MS4A15: variants seen among roughly 807,000 people sequenced by gnomAD.
MS4A15 encodes the protein membrane spanning 4-domains A15.
MS4A15 carries 22 observed loss-of-function variants against 20.6 expected under a neutral mutation model. The observed-to-expected ratio is 1.07, with a 90% CI of 0.76 to 1.52. The LOEUF (loss-of-function observed/expected upper bound fraction) is 1.52. Among genes scored for constraint, MS4A15 ranks in the 40% most tolerant of loss-of-function variants. MS4A15 has a pLI of 0.00. For synonymous variants in MS4A15, 129 were observed against 129.3 expected, an observed-to-expected ratio of 1.00 and a Z score of 0.02; for missense variants, 312 against 323.0, an observed-to-expected ratio of 0.97 and a Z score of 0.26.
chr11:60,759,524 C>T (rs1350288319), intron 1 of MS4A15, among the ~76,000 whole-genome samples: 3 of 152,152 alleles, frequency 2.0e-5, no homozygotes, highest in African/African-American at 7.2e-5. Flanking sequence ...TAGCCCGACA[C>T]CCGTAAAGGG....
rs1044095366 is a variant in MS4A15 at position 60,770,470 on chromosome 11, C to T, written c.349-821C>T. Among the ~76,000 whole-genome samples the T allele has an allele frequency of 1.5e-3, 220 of 151,624 alleles. 2 individuals are homozygous for T. Among genetic ancestry groups the T allele is most frequent in the African/African-American group, 4.6e-3 (191 of 41,372 alleles). On this transcript the variant is annotated intron_variant, in intron 3 of 6. Coordinates refer to ENST00000405633, the MANE Select transcript of MS4A15 (RefSeq NM_001098835.2). ...AAAATTAGCTGGGTGTGGTGGCGGG[C>T]GTCTGTAGTCCCAGCTACTTGGGAG...
At chr11:60,771,587 ATGGTCATTCC>A (rs1854046972) in intron 4 of MS4A15, 1 of 1,516,784 alleles carries the variant, frequency 6.6e-7, no homozygotes, top group African/African-American at 1.4e-5. Context: ...GTCCATGCTC[ATGGTCATTCC>A]GAGAAAGGAA....
At chr11:60,769,092 T>C (rs551479879) in intron 3 of MS4A15, among the ~76,000 whole-genome samples, 4 of 152,118 alleles carry the variant, frequency 2.6e-5, no homozygotes, top group Non-Finnish European at 5.9e-5. Context: ...AACAAAGGGG[T>C]CACTTTCCCC....
intron 1 of MS4A15, among the ~76,000 whole-genome samples, chr11:60,761,926 A>G (rs1427006054): frequency 1.3e-5 from 2 of 152,216 alleles, no homozygotes; most frequent in South Asian, 2.1e-4. Context: ...GAAATGTTAC[A>G]TAGTTAAATA....
chr11:60,775,466 G>A, intron 6 of MS4A15, 139 bp from the exon 7 acceptor site: 1 of 652,036 alleles, frequency 1.5e-6, no homozygotes, highest in South Asian at 2.0e-5. Flanking sequence ...GTTGCACGGA[G>A]AGCCCTGAGC....
At chr11:60,765,417 T>C (rs1680143953) in intron 2 of MS4A15, among the ~76,000 whole-genome samples, 1 of 151,960 alleles carries the variant, frequency 6.6e-6, no homozygotes, top group Non-Finnish European at 1.5e-5. Context: ...GCAATGGTGA[T>C]GATGATGAAG....
At position 60,773,397 on chromosome 11, in the gene MS4A15, G is replaced by A; in HGVS notation, c.411G>A (p.Arg137=). Residue 137 remains arginine (R), a synonymous_variant, in exon 5 of 7, where the codon AGG becomes AGA. Transcript: ENST00000405633. Reference sequence around the variant, plus strand: ...TGTCTCTCTGCTCTCTGCAGGTGAGGAGCAGCCTGGGCACCAACATCCTCA... The same window carrying A: ...TGTCTCTCTGCTCTCTGCAGGTGAGAAGCAGCCTGGGCACCAACATCCTCA... ...AEKNHTSCLV[R]SSLGTNILSV... is the part of the protein sequence containing the mutation. The A allele has an allele frequency of 6.2e-7, 1 of 1,612,564 alleles. No homozygotes were observed. Among genetic ancestry groups the A allele is most frequent in the South Asian group, 1.1e-5 (1 of 90,748 alleles).
intron 4 of MS4A15, 142 bp from the exon 5 acceptor site, chr11:60,773,250 A>G (rs1459372741): frequency 3.3e-6 from 2 of 606,872 alleles, no homozygotes; most frequent in East Asian, 5.6e-5. Context: ...ATGAGAACAC[A>G]GCTGTGTGCA....
chr11:60,760,648 C>A (rs1853715789), intron 1 of MS4A15, among the ~76,000 whole-genome samples: 1 of 152,176 alleles, frequency 6.6e-6, no homozygotes, highest in Admixed American at 6.5e-5. Context: ...TGCATTGCAA[C>A]TTTGGCAATA....
intron 1 of MS4A15, among the ~76,000 whole-genome samples, chr11:60,762,680 A>G (rs1590975918): frequency 6.6e-6 from 1 of 152,232 alleles, no homozygotes; most frequent in South Asian, 2.1e-4. Flanking sequence ...ACCAAGAAAA[A>G]GCAATAAAAG....
chr11:60,771,456 A>C, intron 4 of MS4A15, 109 bp downstream of exon 4: 1 of 1,560,104 alleles, frequency 6.4e-7, no homozygotes, highest in South Asian at 1.2e-5. Context: ...CCAGCACTTC[A>C]GGGGACCTGC....
intron 1 of MS4A15, among the ~76,000 whole-genome samples, chr11:60,759,799 C>T (rs926127140): frequency 2.6e-5 from 4 of 152,128 alleles, no homozygotes; most frequent in African/African-American, 9.7e-5. Flanking sequence ...GGCACAGTAC[C>T]TTCCCTTGAA....
chr11:60,766,807 T>TG (rs1429648368), intron 2 of MS4A15, among the ~76,000 whole-genome samples: 3 of 152,222 alleles, frequency 2.0e-5, no homozygotes, highest in Non-Finnish European at 2.9e-5. Flanking sequence ...GTTTGGGTAG[T>TG]GGTGAGTACT....
intron 4 of MS4A15, among the ~76,000 whole-genome samples, chr11:60,772,726 C>T (rs969875537): frequency 4.6e-5 from 7 of 152,142 alleles, no homozygotes; most frequent in African/African-American, 1.4e-4. Flanking sequence ...GTCACGAGAC[C>T]GTCAGGTTCG....
At chr11:60,771,437 G>GA in intron 4 of MS4A15, 90 bp downstream of exon 4, 1 of 1,581,218 alleles carries the variant, frequency 6.3e-7, no homozygotes, top group Non-Finnish European at 8.6e-7. Flanking sequence ...CACTCCTTCA[G>GA]CTCATTCCCC....
At chr11:60,773,805 G>A in intron 5 of MS4A15, 32 bp from the exon 6 acceptor site, 1 of 1,586,416 alleles carries the variant, frequency 6.3e-7, no homozygotes, top group East Asian at 2.2e-5. Flanking sequence ...CTAGAACTCT[G>A]GGCTCACCTT....
At chr11:60,768,596 A>G (rs770662613) in intron 3 of MS4A15, among the ~76,000 whole-genome samples, 15 of 152,160 alleles carry the variant, frequency 9.9e-5, no homozygotes, top group Non-Finnish European at 1.8e-4. Flanking sequence ...GCTTCACCGC[A>G]TGTTAAGATG....
chr11:60,757,231 G>C (rs1375240944), intron 1 of MS4A15, among the ~76,000 whole-genome samples, 173 bp downstream of exon 1: 2 of 152,198 alleles, frequency 1.3e-5, no homozygotes, highest in African/African-American at 4.8e-5. Flanking sequence ...TCTACACAAC[G>C]CTATGATCTT....
chr11:60,775,906 TTCTAAAAGA>T lies in MS4A15; in HGVS notation c.*192_*200del. ...TCCCACACTTTCCCCAGTGCTTTCT[TTCTAAAAGA>T]CACCGGGCTGACGTCAGGGGTGTGT... On this transcript the variant is annotated 3_prime_UTR_variant, in exon 7 of 7. Transcript: ENST00000405633. 2.0e-6 allele frequency: 1 copy of T among 505,160 alleles called. No individual in the cohort carries two copies. Among genetic ancestry groups the T allele is most frequent in the Non-Finnish European group, 3.5e-6 (1 of 282,946 alleles). 31.3% of individuals were successfully genotyped at this position (505,160 alleles called of 1,614,324 possible).
Sources: allele counts gnomAD v4.1 joint callset (sites outside exome capture counted in the v4.1 genomes callset), GRCh38; gene constraint gnomAD v4.1.1; transcripts MANE v1.5; gene names NCBI Gene and HGNC (gene_info 2026-07-23, HGNC 2026-07-21).